Variants in SNRK observed in about 807,000 individuals in gnomAD.
The protein encoded by SNRK is SNF-related serine/threonine-protein kinase.
SNRK carries 3 observed loss-of-function variants against 48.2 expected under a neutral mutation model. That is an observed-to-expected ratio of 0.06 (90% CI 0.03 to 0.16). The LOEUF is 0.16. Among genes scored for constraint, SNRK ranks in the 10% least tolerant of loss-of-function variants. The probability of loss-of-function intolerance (pLI) is 1.00; values close to 1 mark genes in which losing one functional copy is unlikely to be tolerated. For synonymous variants in SNRK, 376 were observed against 366.1 expected, an observed-to-expected ratio of 1.03 and a Z score of -0.31; for missense variants, 627 against 976.0, an observed-to-expected ratio of 0.64 and a Z score of 4.76.
At chr3:43,339,098 C>G (rs2091212866) in intron 4 of SNRK, among the ~76,000 whole-genome samples, 2 of 152,116 alleles carry the variant, frequency 1.3e-5, no homozygotes, top group African/African-American at 4.8e-5. Context: ...AAGTTACATT[C>G]CTACAGGAAG....
rs2091000050 is a variant in SNRK at position 43,314,378 on chromosome 3, T to G, written c.589+10586T>G. On this transcript the variant is annotated intron_variant, in intron 3 of 6. Coordinates refer to ENST00000296088, the MANE Select transcript of SNRK (RefSeq NM_017719.5). The stretch of plus-strand genomic sequence containing the variant: ...CTATCTGAAATGAATTGCCTTGTCT[T>G]GTGAAAAGGTAAATTAATAAAATAT... Among the ~76,000 whole-genome samples the G allele has an allele frequency of 3.3e-5, 5 of 152,328 alleles. No homozygotes were observed. In the South Asian group the frequency reaches 1.0e-3, roughly 32 times the overall value.
At chr3:43,319,958 C>T (rs2125631433) in intron 3 of SNRK, among the ~76,000 whole-genome samples, 1 of 152,206 alleles carries the variant, frequency 6.6e-6, no homozygotes, top group South Asian at 2.1e-4. Context: ...CTATGAAGCC[C>T]TTTTTTGGAT....
At chr3:43,334,883 C>T (rs530717304) in intron 4 of SNRK, among the ~76,000 whole-genome samples, 8 of 152,138 alleles carry the variant, frequency 5.3e-5, no homozygotes, top group African/African-American at 9.7e-5. Context: ...TGAGCCACCA[C>T]GCCCAGCCTA....
chr3:43,310,820 G>GT (rs370451893), intron 3 of SNRK, among the ~76,000 whole-genome samples: 4 of 151,890 alleles, frequency 2.6e-5, no homozygotes, highest in African/African-American at 7.2e-5. Context: ...AGCATATTTT[G>GT]TTTTTTTTAT....
At chr3:43,297,101 CAT>C (rs2090861824) in intron 1 of SNRK, among the ~76,000 whole-genome samples, 1 of 152,140 alleles carries the variant, frequency 6.6e-6, no homozygotes, top group Admixed American at 6.5e-5. Flanking sequence ...TGTGTAAAGA[CAT>C]GTTATCTTAG....
chr3:43,298,141 A>G (rs938601279), intron 1 of SNRK, among the ~76,000 whole-genome samples: 15 of 152,256 alleles, frequency 9.9e-5, no homozygotes, highest in African/African-American at 3.4e-4. Context: ...ATATCTTATG[A>G]GATTGTTTTC....
intron 3 of SNRK, among the ~76,000 whole-genome samples, chr3:43,318,838 G>C (rs1474986440): frequency 6.6e-6 from 1 of 151,978 alleles, no homozygotes; most frequent in African/African-American, 2.4e-5. Context: ...GACCAGCCTG[G>C]CCAAGCAGAT....
intron 6 of SNRK, among the ~76,000 whole-genome samples, chr3:43,346,018 C>G (rs2091272825): frequency 6.6e-6 from 1 of 152,176 alleles, no homozygotes; most frequent in Non-Finnish European, 1.5e-5. Flanking sequence ...TTCCTCCAGC[C>G]TGCCCTGTAG....
intron 3 of SNRK, among the ~76,000 whole-genome samples, chr3:43,323,565 T>C (rs1427437178): frequency 6.6e-6 from 1 of 152,178 alleles, no homozygotes; most frequent in African/African-American, 2.4e-5. Flanking sequence ...CTTAGAAAGA[T>C]AAACATACAC....
chr3:43,307,948 A>G (rs1291472338), intron 3 of SNRK, among the ~76,000 whole-genome samples: 1 of 152,262 alleles, frequency 6.6e-6, no homozygotes, highest in Non-Finnish European at 1.5e-5. Flanking sequence ...CTTGAAGGAA[A>G]TTAAAAGTGC....
chr3:43,302,580 A>T (rs1055276214), intron 2 of SNRK, among the ~76,000 whole-genome samples: 1 of 151,860 alleles, frequency 6.6e-6, no homozygotes, highest in Non-Finnish European at 1.5e-5. Flanking sequence ...TGCTCTGGGG[A>T]TATTGAGGAG....
At chr3:43,324,643 A>G (rs1242369123) in intron 3 of SNRK, among the ~76,000 whole-genome samples, 1 of 152,238 alleles carries the variant, frequency 6.6e-6, no homozygotes, top group Non-Finnish European at 1.5e-5. Context: ...TAAACTTTTA[A>G]TACGAAGGAA....
chr3:43,290,255 A>C (rs2090800654), intron 1 of SNRK, among the ~76,000 whole-genome samples: 1 of 152,224 alleles, frequency 6.6e-6, no homozygotes, highest in South Asian at 2.1e-4. Context: ...AAGGTAAAAA[A>C]ATCTAATCTT....
chr3:43,318,785 G>A (rs1473080473), intron 3 of SNRK, among the ~76,000 whole-genome samples: 1 of 151,760 alleles, frequency 6.6e-6, no homozygotes, highest in Non-Finnish European at 1.5e-5. Context: ...CAGCACTTTG[G>A]GAGGCCGAGG....
In SNRK at chr3:43,303,151, A is replaced by G. The variant is rs1264172596; in HGVS notation, c.-53A>G. On this transcript the variant is annotated 5_prime_UTR_variant, in exon 3 of 7. It adds an upstream start codon to the 5' untranslated region. Transcript: ENST00000296088. This position sits in a 1 kb window ranked among gnomAD's most constrained non-coding sequence, Gnocchi z 6.2. Reference sequence around the variant, plus strand: ...TTTTGTATTCACCAGATATTCTTATATGAGAAGATCTATTTTAAACAGTCT... The same window carrying G: ...TTTTGTATTCACCAGATATTCTTATGTGAGAAGATCTATTTTAAACAGTCT... 2 of 1,314,542 alleles carry G rather than the reference A, an allele frequency of 1.5e-6. No individual in the cohort carries two copies. Among genetic ancestry groups the G allele is most frequent in the African/African-American group, 2.9e-5 (2 of 67,832 alleles). The allele number at this position is 1,314,542 out of a possible 1,614,324, so 81.4% of individuals were successfully genotyped here. A position where few individuals can be genotyped will look rare whatever the true frequency, so the allele number is the denominator to read the frequency against.
chr3:43,331,489 G>A (rs2091145901), intron 3 of SNRK, among the ~76,000 whole-genome samples: 3 of 152,158 alleles, frequency 2.0e-5, no homozygotes, highest in Admixed American at 2.0e-4. Flanking sequence ...TGTTTGCCCT[G>A]CCTTTGCTGG....
chr3:43,348,989 C>T lies in SNRK; in HGVS notation c.*432C>T, dbSNP rs139492116. On this transcript the variant is annotated 3_prime_UTR_variant, in exon 7 of 7. Transcript: ENST00000296088. ...ACACTCTCTGGTGTCTGAGACAGAA[C>T]CAAAGCAATAACGTTGTGATGCCCA... 1,260 of 155,016 alleles carry T rather than the reference C, an allele frequency of 8.1e-3. 12 individuals are homozygous for T. Among genetic ancestry groups the T allele is most frequent in the Non-Finnish European group, 0.013 (899 of 69,618 alleles). 9.6% of individuals were successfully genotyped at this position (155,016 alleles called of 1,614,324 possible).
At chr3:43,323,531 G>C (rs2091071396) in intron 3 of SNRK, among the ~76,000 whole-genome samples, 1 of 152,180 alleles carries the variant, frequency 6.6e-6, no homozygotes, top group South Asian at 2.1e-4. Flanking sequence ...CGTATAACCA[G>C]TTAGAAAAAT....
chr3:43,346,232 T>A (rs1225132189), intron 6 of SNRK, among the ~76,000 whole-genome samples: 3 of 152,340 alleles, frequency 2.0e-5, no homozygotes, highest in Middle Eastern at 3.4e-3. Flanking sequence ...AATTTTTTTT[T>A]AATGACAGGT....
Sources: gnomAD v4.1 joint callset for allele counts (sites outside exome capture counted in the v4.1 genomes callset) on GRCh38, gnomAD v4.1.1 for gene constraint, Gnocchi (gnomAD v3.1) non-coding constraint, MANE v1.5 for transcripts, NCBI Gene and HGNC (gene_info 2026-07-23, HGNC 2026-07-21) for gene names.